MUC7: variants seen among roughly 807,000 people sequenced by gnomAD.
The protein encoded by MUC7 is mucin 7, secreted, also known as mucin-7.
A neutral mutation model predicts 2.5 loss-of-function variants in MUC7; 2 were observed. The observed-to-expected ratio is 0.81, with a 90% CI of 0.33 to 2.55. MUC7 has a LOEUF of 2.55. Ranked by LOEUF, MUC7 falls within the 30% of genes most tolerant of loss-of-function variation. The pLI is 0.11. For synonymous variants in MUC7, 133 were observed against 173.4 expected (o/e 0.77, Z 1.83); for missense variants, 408 against 455.6 (o/e 0.90, Z 0.95).
rs145759419 is a variant in MUC7, at chr4:70,479,982, G to A, written c.55-817G>A. Among the ~76,000 whole-genome samples the A allele has an allele frequency of 7.7e-4, 118 of 152,312 alleles. 1 individual carries two copies. The highest frequency in any genetic ancestry group is 2.8e-3 in the African/African-American group (115 of 41,576). On this transcript the variant is annotated intron_variant, in intron 2 of 2. Transcript: ENST00000304887. ...AGTTCCTAATCAGAAGAGGTTAGAT[G>A]CATAGACTAGAAAGCCTTTCAGCAG...
At chr4:70,461,262 G>A (rs1478264462) in intron 1 of MUC7, among the ~76,000 whole-genome samples, 2 of 152,158 alleles carry the variant, frequency 1.3e-5, no homozygotes, top group Non-Finnish European at 2.9e-5. Context: ...AGTGTCTCTA[G>A]CAAGCCATCT....
chr4:70,436,211 T>C (rs1365712387), intron 1 of MUC7, among the ~76,000 whole-genome samples: 1 of 152,202 alleles, frequency 6.6e-6, no homozygotes, highest in Non-Finnish European at 1.5e-5. Context: ...AGTATCTTTC[T>C]GGTGTTCTCT....
At chr4:70,472,187 C>T (rs879579396), upstream of MUC7, 1 of 152,172 alleles carries the variant, frequency 6.6e-6, no homozygotes, top group Non-Finnish European at 1.5e-5. Context: ...TGAAAATTCT[C>T]TTGTGCTTTC....
chr4:70,441,830 C>T (rs549549309), intron 1 of MUC7, among the ~76,000 whole-genome samples: 2 of 152,122 alleles, frequency 1.3e-5, no homozygotes, highest in Non-Finnish European at 2.9e-5. Flanking sequence ...GCCTACCATC[C>T]ATTTTAGTTC....
chr4:70,461,682 A>G (rs537430947), intron 1 of MUC7, among the ~76,000 whole-genome samples: 3 of 152,324 alleles, frequency 2.0e-5, no homozygotes, highest in South Asian at 2.1e-4. Flanking sequence ...ACTTCTCTCA[A>G]TGAGGAAGAG....
At chr4:70,476,469 C>A (rs1735004323) in intron 2 of MUC7, among the ~76,000 whole-genome samples, 1 of 152,172 alleles carries the variant, frequency 6.6e-6, no homozygotes, top group South Asian at 2.1e-4. Context: ...CTGCCCAAAT[C>A]TCAAAAAAGT....
At chr4:70,455,047 G>A (rs1248581457) in intron 1 of MUC7, among the ~76,000 whole-genome samples, 1 of 151,740 alleles carries the variant, frequency 6.6e-6, no homozygotes, top group Admixed American at 6.6e-5. Flanking sequence ...TATTTTTTTA[G>A]CATTCCAAGG....
chr4:70,436,833 T>C (rs1733851027), intron 1 of MUC7, among the ~76,000 whole-genome samples: 1 of 151,946 alleles, frequency 6.6e-6, no homozygotes, highest in Admixed American at 6.6e-5. Context: ...ATCTTTATGG[T>C]TTTATCTATC....
intron 1 of MUC7, among the ~76,000 whole-genome samples, chr4:70,457,522 TAATA>T (rs1317472466): frequency 6.6e-6 from 1 of 151,938 alleles, no homozygotes; most frequent in Non-Finnish European, 1.5e-5. Context: ...AGTAGAAAAT[TAATA>T]AAATATAAAC....
intron 1 of MUC7, among the ~76,000 whole-genome samples, chr4:70,445,062 A>G (rs575559883): frequency 1.3e-5 from 2 of 152,240 alleles, no homozygotes; most frequent in Admixed American, 1.3e-4. Context: ...AAACAAAAAC[A>G]AACAAAAACA....
chr4:70,457,009 A>T (rs868194070), intron 1 of MUC7, among the ~76,000 whole-genome samples: 42 of 150,350 alleles, frequency 2.8e-4, no homozygotes, highest in Middle Eastern at 3.5e-3. Context: ...TTGGAGAAAT[A>T]AATGTAAACA....
chr4:70,480,819 G>A lies in MUC7; in HGVS notation c.75G>A (p.Arg25=). 6.2e-7 allele frequency: 1 copy of A among 1,613,320 alleles called. No individual in the cohort carries two copies. The part of the protein sequence containing the change: ...ACFSFSEGRE[R]DHELRHRRHH... The stretch of plus-strand genomic sequence containing the variant: ...TGCAGTTCAGTGAAGGTCGAGAAAG[G>A]GATCATGAACTACGTCACAGAAGGC... The change falls in exon 3 of 3, where the codon AGG becomes AGA. Residue 25 remains arginine (R), a synonymous_variant. Transcript: ENST00000304887.
chr4:70,481,166 C>T lies in MUC7; in HGVS notation c.422C>T (p.Ser141Leu). The change falls in exon 3 of 3, where the codon TCA becomes TTA. Residue 141 changes from serine to leucine, a missense_variant. Transcript: ENST00000304887. ...CCCCAGAATGCCACCACCATATCTT[C>T]AAGAGAAAATGTTAACACAAGCTCT... ...FLPQNATTIS[S>L]RENVNTSSSV... 6.2e-7 allele frequency: 1 copy of T among 1,614,208 alleles called. No homozygotes were observed. The highest frequency in any genetic ancestry group is 1.3e-5 in the African/African-American group (1 of 75,066).
intron 1 of MUC7, among the ~76,000 whole-genome samples, chr4:70,454,347 T>C (rs914573521): frequency 2.0e-5 from 3 of 152,250 alleles, no homozygotes; most frequent in Non-Finnish European, 4.4e-5. Context: ...GATTCCCTTC[T>C]AACTAGAGCT....
rs868796954 is a variant in MUC7 at position 70,482,783 on chromosome 4, T to C, written c.*905T>C. 2.0e-5 allele frequency: 3 copies of C among 152,244 alleles called. No individual in the cohort carries two copies. The highest frequency in any genetic ancestry group is 2.0e-4 in the Admixed American group (3 of 15,284). The allele number at this position is 152,244 out of a possible 1,614,324, so 9.4% of individuals were successfully genotyped here. A position where few individuals can be genotyped will look rare whatever the true frequency, so the allele number is the denominator to read the frequency against. On this transcript the variant is annotated 3_prime_UTR_variant, in exon 3 of 3. Transcript: ENST00000304887. ...ATACATTTGAATGTATTTTAAACCATGCCAAACTACTGCTTTAATGTCAAG... is the reference window on the plus strand; with the variant it reads ...ATACATTTGAATGTATTTTAAACCACGCCAAACTACTGCTTTAATGTCAAG...
chr4:70,478,860 G>A (rs1446310590), intron 2 of MUC7, among the ~76,000 whole-genome samples: 1 of 152,200 alleles, frequency 6.6e-6, no homozygotes, highest in East Asian at 1.9e-4. Context: ...TGGAGTCAGT[G>A]TTACCGATTC....
At chr4:70,465,934 G>A (rs992513081) in intron 1 of MUC7, among the ~76,000 whole-genome samples, 6 of 152,118 alleles carry the variant, frequency 3.9e-5, no homozygotes, top group Non-Finnish European at 8.8e-5. Context: ...ACAACCCCAA[G>A]ACAAATAATC....
intron 1 of MUC7, among the ~76,000 whole-genome samples, chr4:70,472,734 G>C (rs1158461657): frequency 6.6e-6 from 1 of 152,150 alleles, no homozygotes; most frequent in Non-Finnish European, 1.5e-5. Flanking sequence ...GTGAGTGGCA[G>C]AGTCACACAG....
At chr4:70,470,338 A>G (rs987630285), upstream of MUC7, among the ~76,000 whole-genome samples, 7 of 152,186 alleles carry the variant, frequency 4.6e-5, no homozygotes, top group African/African-American at 9.7e-5. Flanking sequence ...GCAAACCACC[A>G]TGGCACATGT....
Sources: allele counts gnomAD v4.1 joint callset (sites outside exome capture counted in the v4.1 genomes callset), GRCh38; gene constraint gnomAD v4.1.1; transcripts MANE v1.5; gene names NCBI Gene and HGNC (gene_info 2026-07-23, HGNC 2026-07-21).